Variants in RYR3 observed in about 807,000 individuals in gnomAD.
RYR3 encodes ryanodine receptor 3, also known as brain ryanodine receptor-calcium release channel.
A neutral mutation model predicts 584.3 loss-of-function variants in RYR3; 207 were observed. The ratio of observed to expected loss-of-function variants is 0.35; its 90% CI spans 0.32 to 0.40. RYR3 has a LOEUF of 0.40. Ranked by LOEUF, RYR3 falls within the 10% of genes least tolerant of loss-of-function variation. The pLI is 1.00. For synonymous variants in RYR3, 2,416 were observed against 2,248.5 expected, an observed-to-expected ratio of 1.07 and a Z score of -2.11; for missense variants, 5,616 against 6,089.2, an observed-to-expected ratio of 0.92 and a Z score of 2.59.
intron 52 of RYR3, among the ~76,000 whole-genome samples, chr15:33,742,744 C>T (rs56193977): frequency 0.15 from 23,079 of 151,658 alleles, 1,863 homozygotes; most frequent in South Asian, 0.26. Context: ...ATGTGTTTGA[C>T]GTAAATGCTT....
Position 33,336,466 on chromosome 15 carries a change from GAGAGAGAGAGAGAGAGAGA to G in RYR3, c.51+25371_51+25389del, listed in dbSNP as rs1567046735. On this transcript the variant is annotated intron_variant, in intron 1 of 103. Coordinates refer to ENST00000634891, the MANE Select transcript of RYR3 (RefSeq NM_001036.6). ...AGAGAGAGAGAGAGAGAGAGAGAGA[GAGAGAGAGAGAGAGAGAGA>G]GAAAGAAAGAAAGAAAGAAGGAGGG... Among the ~76,000 whole-genome samples the G allele has an allele frequency of 5.1e-4, 19 of 37,198 alleles. 2 individuals are homozygous for G. The highest frequency in any genetic ancestry group is 9.3e-4 in the Admixed American group (4 of 4,282). The allele number at this position is 37,198 out of a possible 152,430, so 24.4% of individuals were successfully genotyped here. A position where few individuals can be genotyped will look rare whatever the true frequency, so the allele number is the denominator to read the frequency against.
intron 69 of RYR3, among the ~76,000 whole-genome samples, chr15:33,807,068 A>G (rs2076250816): frequency 6.6e-6 from 1 of 152,060 alleles, no homozygotes; most frequent in Non-Finnish European, 1.5e-5. Context: ...CTTTTAACAT[A>G]AGCACAAGCA....
Position 33,425,864 on chromosome 15 carries a change from A to T in RYR3, c.52-47555A>T, listed in dbSNP as rs2596225. On this transcript the variant is annotated intron_variant, in intron 1 of 103. Coordinates refer to ENST00000634891, the MANE Select transcript of RYR3 (RefSeq NM_001036.6). Reference sequence around the variant, plus strand: ...TCACCGTGTTAGCCAGGATGGTCTCAATCTCCTGACCTCGTGATCCGCCCG... The same window carrying T: ...TCACCGTGTTAGCCAGGATGGTCTCTATCTCCTGACCTCGTGATCCGCCCG... Among the ~76,000 whole-genome samples the T allele has an allele frequency of 4.8e-4, 73 of 151,882 alleles. 2 individuals carry two copies. The South Asian group carries it at 7.3e-3, about 15-fold the overall frequency.
At chr15:33,400,503 G>A (rs1157189086) in intron 1 of RYR3, among the ~76,000 whole-genome samples, 2 of 152,192 alleles carry the variant, frequency 1.3e-5, no homozygotes, top group East Asian at 1.9e-4. Flanking sequence ...GAGCTCCTGT[G>A]TGATTTCCCT....
chr15:33,746,883 A>G (rs1026978749), intron 53 of RYR3, among the ~76,000 whole-genome samples: 2 of 133,716 alleles, frequency 1.5e-5, no homozygotes, highest in African/African-American at 5.7e-5. Flanking sequence ...ATCTCGGCTC[A>G]CTGCAACCTC....
intron 1 of RYR3, among the ~76,000 whole-genome samples, chr15:33,336,462 GAGAGAGAGAGAGAGAGAGAGAGA>G (rs1971031113): frequency 2.9e-5 from 1 of 34,790 alleles, no homozygotes; most frequent in African/African-American, 2.9e-4. Flanking sequence ...GAGAGAGAGA[GAGAGAGAGAGAGAGAGAGAGAGA>G]GAAAGAAAGA....
chr15:33,589,917 G>T (rs1264596164), intron 16 of RYR3, among the ~76,000 whole-genome samples: 1 of 152,164 alleles, frequency 6.6e-6, no homozygotes, highest in African/African-American at 2.4e-5. Context: ...TCCGTGTGAA[G>T]AGACCACCAA....
chr15:33,795,423 G>A (rs1439396422), intron 67 of RYR3, among the ~76,000 whole-genome samples: 9 of 104,696 alleles, frequency 8.6e-5, no homozygotes, highest in African/African-American at 3.4e-4. Flanking sequence ...GTCTCACTCT[G>A]TTGCCCAGCC....
At chr15:33,543,537 A>T (rs1011387864) in intron 7 of RYR3, 85 bp from the exon 8 acceptor site, 20 of 866,574 alleles carry the variant, frequency 2.3e-5, no homozygotes, top group Middle Eastern at 2.2e-4. Context: ...ACTGGCTCAG[A>T]CCTGTGTGAA....
Position 33,785,885 on chromosome 15 carries a change from C to A in RYR3, c.9492C>A (p.Val3164=), listed in dbSNP as rs2074677209. ...PPSTGPCCTK[V]TSEHLSLILG... is the part of the protein sequence containing the mutation. ...GCACAGGGCCATGCTGCACCAAGGT[C>A]ACCTCTGAACACCTCAGTCTCATCC... is the stretch of plus-strand genomic sequence containing the variant. Residue 3164 remains valine, a synonymous_variant, in exon 66 of 104, where the codon GTC becomes GTA. Coordinates refer to ENST00000634891, the MANE Select transcript of RYR3 (RefSeq NM_001036.6). 2.5e-6 allele frequency: 4 copies of A among 1,613,786 alleles called. No homozygotes were observed. The highest frequency in any genetic ancestry group is 1.6e-4 in the Middle Eastern group (1 of 6,082).
chr15:33,436,106 C>T (rs2045706172), intron 1 of RYR3, among the ~76,000 whole-genome samples: 1 of 152,214 alleles, frequency 6.6e-6, no homozygotes, highest in South Asian at 2.1e-4. Flanking sequence ...AGAAGTCCAG[C>T]TGGCTTCACC....
At position 33,811,092 on chromosome 15, in the gene RYR3, G is replaced by C. The variant is rs2076512112; in HGVS notation, c.10257+55G>C. Reference sequence around the variant, plus strand: ...ACACCGGCTTTCCTTCTGGCTGCAGGGTTCCAGCTTTTCACTTCATTTACT... The same window carrying C: ...ACACCGGCTTTCCTTCTGGCTGCAGCGTTCCAGCTTTTCACTTCATTTACT... On this transcript the variant is annotated intron_variant, in intron 72 of 103. Transcript: ENST00000634891. The C allele has an allele frequency of 4.1e-6, 6 of 1,457,198 alleles. No individual in the cohort carries two copies. The South Asian group carries it at 7.2e-5, about 18-fold the overall frequency. The allele number at this position is 1,457,198 out of a possible 1,614,324, so 90.3% of individuals were successfully genotyped here.
At chr15:33,683,366 A>C (rs1450053040) in intron 38 of RYR3, among the ~76,000 whole-genome samples, 2 of 152,174 alleles carry the variant, frequency 1.3e-5, no homozygotes. Context: ...AGATGAACTC[A>C]GTAAAGCAAC....
chr15:33,817,782 G>A (rs117223095), intron 75 of RYR3, among the ~76,000 whole-genome samples: 5,271 of 152,088 alleles, frequency 0.035, 183 homozygotes, highest in Middle Eastern at 0.065. Context: ...TCAGTTTCTT[G>A]ATGAGTGTGA....
chr15:33,343,300 T>C (rs146963418), intron 1 of RYR3, among the ~76,000 whole-genome samples: 2 of 152,322 alleles, frequency 1.3e-5, no homozygotes, highest in East Asian at 3.9e-4. Flanking sequence ...GGCCCTTCAT[T>C]GTCAAATGCA....
At chr15:33,818,542 T>C (rs2076942029) in intron 75 of RYR3, 36 bp from the exon 76 acceptor site, 3 of 1,506,340 alleles carry the variant, frequency 2.0e-6, no homozygotes, top group Admixed American at 1.7e-5. Flanking sequence ...CGAGATTAAA[T>C]TCATGCCTAA....
rs1242590275 is a variant in RYR3, at chr15:33,651,239, G to A, written c.4143-1479G>A. 2.0e-5 allele frequency among the ~76,000 whole-genome samples: 3 copies of A among 152,162 alleles called. No individual in the cohort carries two copies. In the East Asian group the frequency reaches 5.8e-4, roughly 29 times the overall value. The stretch of plus-strand genomic sequence containing the variant: ...AGATGCTTTAGGACATTTTGAATTT[G>A]GGCCCTTTAATGTATGACCAAAGCG... On this transcript the variant is annotated intron_variant, in intron 31 of 103. Coordinates refer to ENST00000634891, the MANE Select transcript of RYR3 (RefSeq NM_001036.6).
rs1185393215 is a variant in RYR3, at chr15:33,729,142, TAATGGGTGAGAAA to T, written c.7203+118_7203+130del. 4.8e-6 allele frequency: 4 copies of T among 831,990 alleles called. No homozygotes were observed. In the South Asian group the frequency reaches 5.4e-5, roughly 11 times the overall value. 51.5% of individuals were successfully genotyped at this position (831,990 alleles called of 1,614,324 possible). A position where few individuals can be genotyped will look rare whatever the true frequency, so the allele number is the denominator to read the frequency against. ...CCAATTACATTTTAATAGCTTACTT[TAATGGGTGAGAAA>T]ATAGAGGTATCATGAAATGGAAGAT... is the stretch of plus-strand genomic sequence containing the variant. On this transcript the variant is annotated intron_variant, in intron 47 of 103. Transcript: ENST00000634891.
intron 40 of RYR3, 113 bp downstream of exon 40, chr15:33,698,109 G>A (rs555286077): frequency 4.5e-5 from 33 of 738,462 alleles, no homozygotes; most frequent in African/African-American, 3.4e-4. Flanking sequence ...CTTCCAGGGA[G>A]AGGAAGGGAT....
Sources: gnomAD v4.1 joint callset for allele counts (sites outside exome capture counted in the v4.1 genomes callset) on GRCh38, gnomAD v4.1.1 for gene constraint, MANE v1.5 for transcripts, NCBI Gene and HGNC (gene_info 2026-07-23, HGNC 2026-07-21) for gene names.